The following RIMS1 variants were observed in gnomAD, a reference collection of about 807,000 sequenced individuals.
RIMS1 encodes the protein regulating synaptic membrane exocytosis 1, also known as regulating synaptic membrane exocytosis protein 1.
RIMS1 carries 83 observed loss-of-function variants against 214.1 expected under a neutral mutation model. That is an observed-to-expected ratio of 0.39 (90% CI 0.32 to 0.47). RIMS1 has a LOEUF of 0.47. RIMS1 is among the 20% of genes least tolerant of loss of function. The pLI, the probability that RIMS1 is intolerant of heterozygous loss-of-function variation, is 0.99. For synonymous variants in RIMS1, 793 were observed against 786.8 expected (o/e 1.01, Z -0.13); for missense variants, 2,050 against 2,161.8 (o/e 0.95, Z 1.03).
chr6:72,097,494 C>T (rs191909838), intron 3 of RIMS1, among the ~76,000 whole-genome samples: 37 of 152,194 alleles, frequency 2.4e-4, no homozygotes, highest in African/African-American at 8.7e-4. Context: ...AAAGTTATGA[C>T]CAATTCTTTT....
intron 2 of RIMS1, among the ~76,000 whole-genome samples, chr6:72,078,367 G>A (rs1832428462): frequency 6.6e-6 from 1 of 152,182 alleles, no homozygotes; most frequent in Non-Finnish European, 1.5e-5. Context: ...CTCTTTGCCT[G>A]TAGTTAATCT....
chr6:72,121,617 C>G (rs375031870), intron 4 of RIMS1, among the ~76,000 whole-genome samples: 1 of 151,876 alleles, frequency 6.6e-6, no homozygotes. Context: ...ATTTGACTTC[C>G]TCTTTTCCTA....
At chr6:71,933,607 AG>A (rs1783686594) in intron 1 of RIMS1, among the ~76,000 whole-genome samples, 1 of 151,822 alleles carries the variant, frequency 6.6e-6, no homozygotes, top group Non-Finnish European at 1.5e-5. Flanking sequence ...AGTGGCAGAG[AG>A]AAGAGATGGT....
chr6:72,000,455 C>T (rs1804818045), intron 2 of RIMS1, among the ~76,000 whole-genome samples: 1 of 152,060 alleles, frequency 6.6e-6, no homozygotes, highest in Non-Finnish European at 1.5e-5. Flanking sequence ...ATTGCTACTA[C>T]ATTCTTTCAT....
intron 2 of RIMS1, among the ~76,000 whole-genome samples, chr6:72,041,001 T>C (rs970434033): frequency 6.6e-6 from 1 of 151,934 alleles, no homozygotes. Flanking sequence ...GCTTACCTTA[T>C]AGACGATACA....
chr6:72,398,164 T>C, intron 31 of RIMS1, 85 bp from the exon 32 acceptor site: 1 of 738,892 alleles, frequency 1.4e-6, no homozygotes, highest in Non-Finnish European at 2.3e-6. Flanking sequence ...TAAAAATCTG[T>C]AGTCTGTTAC....
At chr6:72,130,542 G>A (rs1390938704) in intron 4 of RIMS1, among the ~76,000 whole-genome samples, 1 of 152,054 alleles carries the variant, frequency 6.6e-6, no homozygotes, top group Non-Finnish European at 1.5e-5. Context: ...TGTGTTTTGG[G>A]GATATTGTGC....
chr6:72,023,949 AG>A (rs974066651), intron 2 of RIMS1, among the ~76,000 whole-genome samples: 1 of 152,140 alleles, frequency 6.6e-6, no homozygotes, highest in African/African-American at 2.4e-5. Context: ...TAACATGGAA[AG>A]GTTGACTCCT....
intron 29 of RIMS1, among the ~76,000 whole-genome samples, chr6:72,343,673 C>T (rs1227158518): frequency 6.7e-6 from 1 of 150,300 alleles, no homozygotes; most frequent in African/African-American, 2.5e-5. Context: ...CAATTTATTT[C>T]TAGGAAATTA....
intron 4 of RIMS1, among the ~76,000 whole-genome samples, chr6:72,167,488 A>G (rs552634262): frequency 7.7e-4 from 118 of 152,282 alleles, no homozygotes; most frequent in Non-Finnish European, 1.4e-3. Context: ...CTCTTTTTAA[A>G]TAGTAAACTT....
At chr6:72,131,446 G>C (rs565263550) in intron 4 of RIMS1, among the ~76,000 whole-genome samples, 3 of 152,094 alleles carry the variant, frequency 2.0e-5, no homozygotes, top group Non-Finnish European at 2.9e-5. Flanking sequence ...CTGGGCGTCC[G>C]GGGGAGACAT....
chr6:72,340,433 CT>C (rs2097025210), intron 29 of RIMS1, among the ~76,000 whole-genome samples: 1 of 152,032 alleles, frequency 6.6e-6, no homozygotes, highest in Non-Finnish European at 1.5e-5. Flanking sequence ...ACATTTAAGT[CT>C]TTAATCCATC....
intron 6 of RIMS1, among the ~76,000 whole-genome samples, chr6:72,201,317 T>C (rs965050150): frequency 5.3e-5 from 8 of 152,234 alleles, no homozygotes; most frequent in Non-Finnish European, 1.0e-4. Context: ...AAAGGTCATT[T>C]TAAGGGGAAA....
intron 2 of RIMS1, among the ~76,000 whole-genome samples, chr6:72,006,909 C>A (rs1274848824): frequency 6.6e-6 from 1 of 152,194 alleles, no homozygotes; most frequent in Non-Finnish European, 1.5e-5. Flanking sequence ...CAGGGCATAG[C>A]CAAACAAAAG....
chr6:72,036,177 C>T (rs910732042), intron 2 of RIMS1, among the ~76,000 whole-genome samples: 6 of 152,036 alleles, frequency 3.9e-5, no homozygotes, highest in African/African-American at 1.4e-4. Flanking sequence ...ATTGTGTGTT[C>T]CTAGTCCTCT....
At chr6:72,138,074 CTGTG>C (rs146926164) in intron 4 of RIMS1, among the ~76,000 whole-genome samples, 3 of 150,090 alleles carry the variant, frequency 2.0e-5, no homozygotes, top group Non-Finnish European at 4.5e-5. Context: ...GTATGTGAGT[CTGTG>C]TGTGTGTGTG....
At chr6:72,127,177 T>C (rs949978554) in intron 4 of RIMS1, among the ~76,000 whole-genome samples, 1 of 152,220 alleles carries the variant, frequency 6.6e-6, no homozygotes, top group East Asian at 1.9e-4. Flanking sequence ...TTGATGTTAA[T>C]ATTTTATATT....
At chr6:71,999,106 C>G (rs1804346816) in intron 2 of RIMS1, among the ~76,000 whole-genome samples, 1 of 151,986 alleles carries the variant, frequency 6.6e-6, no homozygotes, top group Non-Finnish European at 1.5e-5. Context: ...ATAGAAATAT[C>G]TTTATTTTAA....
chr6:72,343,307 A>G (rs1442143445), intron 29 of RIMS1, among the ~76,000 whole-genome samples: 2 of 151,690 alleles, frequency 1.3e-5, no homozygotes, highest in African/African-American at 4.8e-5. Context: ...TCTTAAGCCC[A>G]TTTAATGATT....
Sources: allele counts gnomAD v4.1 joint callset (sites outside exome capture counted in the v4.1 genomes callset), GRCh38; gene constraint gnomAD v4.1.1; transcripts MANE v1.5; gene names NCBI Gene and HGNC (gene_info 2026-07-23, HGNC 2026-07-21).